Variants in TPO observed in about 807,000 individuals in gnomAD.
TPO encodes the protein thyroid peroxidase, also known as thyroid microsomal antigen.
Under a neutral mutation model 96.9 loss-of-function variants are expected in TPO, and 78 were observed. The ratio of observed to expected loss-of-function variants is 0.81; its 90% CI spans 0.67 to 0.97. The LOEUF (loss-of-function observed/expected upper bound fraction) is 0.97. TPO is among the 50% of genes least tolerant of loss of function. The pLI, the probability that TPO is intolerant of heterozygous loss-of-function variation, is 0.00. For synonymous variants in TPO, 547 were observed against 538.0 expected, an observed-to-expected ratio of 1.02 and a Z score of -0.23; for missense variants, 1,252 against 1,274.8, an observed-to-expected ratio of 0.98 and a Z score of 0.27.
At chr2:1,422,371 C>CGACCTCGTGCAGGTGCCGCGCTGGACA (rs1663805940) in intron 2 of TPO, among the ~76,000 whole-genome samples, 2 of 49,782 alleles carry the variant, frequency 4.0e-5, no homozygotes, top group African/African-American at 7.2e-5. Flanking sequence ...CGCGCTGGAC[C>CGACCTCGTGCAGGTGCCGCGCTGGACA]GACCTCGTGC....
intron 2 of TPO, among the ~76,000 whole-genome samples, chr2:1,422,404 G>GTGCCGCGCTGGAC (rs1663846907): frequency 6.3e-5 from 2 of 31,974 alleles, no homozygotes; most frequent in Non-Finnish European, 5.6e-5. Context: ...GGGCCATGGG[G>GTGCCGCGCTGGAC]AGAGCGAGAG....
rs545229159 is a variant in TPO at position 1,436,655 on chromosome 2, C to T, written c.482+271C>T. Among the ~76,000 whole-genome samples the T allele has an allele frequency of 1.5e-3, 235 of 152,194 alleles. 1 individual carries two copies. The highest frequency in any genetic ancestry group is 2.9e-3 in the Non-Finnish European group (196 of 68,040). The stretch of plus-strand genomic sequence containing the variant: ...AACTTCCTAACCCCACAAATTCCAC[C>T]GCCCTTCACCTAAGAGCTCAAGCCA... On this transcript the variant is annotated intron_variant, in intron 5 of 16. Coordinates refer to ENST00000329066, the MANE Select transcript of TPO (RefSeq NM_001206744.2).
At chr2:1,456,009 C>T in intron 6 of TPO, 67 bp from the exon 7 acceptor site, 1 of 1,514,002 alleles carries the variant, frequency 6.6e-7, no homozygotes, top group Non-Finnish European at 9.0e-7. Flanking sequence ...TGCATGATCC[C>T]AAAGGGTCAT....
intron 7 of TPO, among the ~76,000 whole-genome samples, chr2:1,463,431 T>C (rs774426765): frequency 7.9e-5 from 12 of 152,168 alleles, no homozygotes; most frequent in Non-Finnish European, 1.5e-4. Context: ...GTATTTACGG[T>C]GGAGTGAGAG....
intron 7 of TPO, 97 bp downstream of exon 7, chr2:1,456,379 C>A (rs528905843): frequency 1.5e-6 from 2 of 1,325,628 alleles, no homozygotes; most frequent in East Asian, 5.0e-5. Context: ...AAGTCTGTTT[C>A]TTTGTCCTAT....
At chr2:1,517,440 CCG>C (rs774974349) in intron 15 of TPO, among the ~76,000 whole-genome samples, 5 of 152,188 alleles carry the variant, frequency 3.3e-5, no homozygotes, top group Non-Finnish European at 7.3e-5. Context: ...AGACTCAGAC[CCG>C]CACCTGAGAG....
At chr2:1,535,834 C>A in intron 15 of TPO, among the ~76,000 whole-genome samples, 1 of 91,216 alleles carries the variant, frequency 1.1e-5, no homozygotes, top group South Asian at 4.8e-4. Flanking sequence ...CTCAAATCCC[C>A]AAACTGTGTG....
At position 1,382,159 on chromosome 2, in the gene TPO, C is replaced by T. The variant is rs78710287; in HGVS notation, n.180+7757C>T. 5.1e-3 allele frequency among the ~76,000 whole-genome samples: 776 copies of T among 152,286 alleles called. 7 individuals carry two copies. Among genetic ancestry groups the T allele is most frequent in the African/African-American group, 0.018 (736 of 41,570 alleles). On this transcript the variant is annotated intron_variant and non_coding_transcript_variant, in intron 1 of 5. Coordinates refer to the TPO transcript ENST00000497517. ...CCTCAGAGGCCACCGGCGATGCCCA[C>T]GTAGAACCCGGGAGCGTTTCAGTCC... is the stretch of plus-strand genomic sequence containing the variant.
intron 1 of TPO, among the ~76,000 whole-genome samples, chr2:1,403,266 G>A (rs886111617): frequency 5.3e-5 from 8 of 152,156 alleles, no homozygotes; most frequent in Non-Finnish European, 1.0e-4. Context: ...GAGAGCCAGC[G>A]GGGGCTCTGC....
At chr2:1,512,701 C>A (rs1674285705) in intron 14 of TPO, among the ~76,000 whole-genome samples, 1 of 152,204 alleles carries the variant, frequency 6.6e-6, no homozygotes, top group South Asian at 2.1e-4. Flanking sequence ...TGACTCAGGC[C>A]CTCCGGAGGC....
rs754551322 is a variant in TPO, at chr2:1,540,716, C to T, written c.2741C>T (p.Ser914Leu). 7 of 1,613,314 alleles carry T rather than the reference C, an allele frequency of 4.3e-6. No homozygotes were observed. Among genetic ancestry groups the T allele is most frequent in the Non-Finnish European group, 5.9e-6 (7 of 1,180,026 alleles). The stretch of plus-strand genomic sequence containing the variant: ...CCGCAGCGGGCCGCAGCTCAGGACT[C>T]GGAGCAGGTGGGCCACACCATGCCG... ...TSPQRAAAQD[S>L]EQESAGMEGR... Residue 914 changes from serine to leucine, a missense_variant, in exon 16 of 17, where the codon TCG becomes TTG. Coordinates refer to ENST00000329066, the MANE Select transcript of TPO (RefSeq NM_001206744.2).
chr2:1,484,137 C>G (rs568479337), intron 8 of TPO, among the ~76,000 whole-genome samples: 23 of 152,264 alleles, frequency 1.5e-4, no homozygotes, highest in Admixed American at 5.2e-4. Flanking sequence ...ATTTCCAGGC[C>G]CTGTGATTGC....
intron 15 of TPO, among the ~76,000 whole-genome samples, chr2:1,521,330 G>T (rs1378057007): frequency 6.6e-6 from 1 of 152,140 alleles, no homozygotes; most frequent in Non-Finnish European, 1.5e-5. Flanking sequence ...GTCACGGGGG[G>T]TTCCTGCCAT....
intron 14 of TPO, 62 bp from the exon 15 acceptor site, chr2:1,516,821 G>T: frequency 6.6e-7 from 1 of 1,526,294 alleles, no homozygotes; most frequent in South Asian, 1.1e-5. Context: ...ACTCAGGCAG[G>T]ACAACCTGGC....
At chr2:1,401,111 A>T (rs979677861) in intron 1 of TPO, among the ~76,000 whole-genome samples, 2 of 152,172 alleles carry the variant, frequency 1.3e-5, no homozygotes, top group Non-Finnish European at 2.9e-5. Context: ...TGAGGCTCCC[A>T]TTAGCAGAGC....
In TPO at chr2:1,381,440, A is replaced by T. The variant is rs1661810269; in HGVS notation, n.180+7038A>T. 2.0e-5 allele frequency among the ~76,000 whole-genome samples: 3 copies of T among 152,198 alleles called. 1 individual carries two copies. Among genetic ancestry groups the T allele is most frequent in the Admixed American group, 6.5e-5 (1 of 15,282 alleles). Reference sequence around the variant, plus strand: ...CTTTTAAACAATCAGATCTCATAAGAATTCACCATCCTGAGAACAGCAACG... The same window carrying T: ...CTTTTAAACAATCAGATCTCATAAGTATTCACCATCCTGAGAACAGCAACG... On this transcript the variant is annotated intron_variant and non_coding_transcript_variant, in intron 1 of 5. Transcript: ENST00000497517.
chr2:1,537,829 C>T (rs1054882131), intron 15 of TPO, among the ~76,000 whole-genome samples: 5 of 79,272 alleles, frequency 6.3e-5, no homozygotes, highest in South Asian at 6.1e-4. Flanking sequence ...CTGTGAGCAA[C>T]CTCCTCAAAT....
At position 1,523,758 on chromosome 2, in the gene TPO, C is replaced by T. The variant is rs1338023312; in HGVS notation, c.2618+6776C>T. 4.7e-5 allele frequency among the ~76,000 whole-genome samples: 6 copies of T among 126,712 alleles called. No homozygotes were observed. The South Asian group carries it at 9.0e-4, about 19-fold the overall frequency. The allele number at this position is 126,712 out of a possible 152,430, so 83.1% of individuals were successfully genotyped here. A position where few individuals can be genotyped will look rare whatever the true frequency, so the allele number is the denominator to read the frequency against. On this transcript the variant is annotated intron_variant, in intron 15 of 16. Transcript: ENST00000329066. ...CACTGTGTGCAACCCCCCCAAATAC[C>T]GCCACTGTGTGCAACCTCTTCTAAT...
Position 1,438,794 on chromosome 2 carries a change from T to C in TPO, c.482+2410T>C, listed in dbSNP as rs184311067. 193 of 680,520 alleles carry C rather than the reference T, an allele frequency of 2.8e-4. 1 individual carries two copies. The Admixed American group carries it at 4.7e-3, about 17-fold the overall frequency. 42.2% of individuals were successfully genotyped at this position (680,520 alleles called of 1,614,324 possible). ...TTAACTGGAGATTTTTTTTTTTTTT[T>C]TTGCAAATGCCTGGATTAAAGAAAA... On this transcript the variant is annotated intron_variant, in intron 5 of 16. Coordinates refer to ENST00000329066, the MANE Select transcript of TPO (RefSeq NM_001206744.2).
Sources: gnomAD v4.1 joint callset for allele counts (sites outside exome capture counted in the v4.1 genomes callset) on GRCh38, gnomAD v4.1.1 for gene constraint, MANE v1.5 for transcripts, NCBI Gene and HGNC (gene_info 2026-07-23, HGNC 2026-07-21) for gene names.